Variants in KCNAB1 observed in about 807,000 individuals in gnomAD.
KCNAB1 encodes the protein voltage-gated potassium channel subunit beta-1.
A neutral mutation model predicts 64.6 loss-of-function variants in KCNAB1; 35 were observed. The ratio of observed to expected loss-of-function variants is 0.54; its 90% confidence interval spans 0.41 to 0.72. KCNAB1 has a LOEUF of 0.72. Ranked by LOEUF, KCNAB1 falls within the 30% of genes least tolerant of loss-of-function variation. KCNAB1 has a pLI of 0.00. For synonymous variants in KCNAB1, 177 were observed against 183.8 expected (o/e 0.96, Z 0.30); for missense variants, 401 against 512.9 (o/e 0.78, Z 2.11).
intron 1 of KCNAB1, among the ~76,000 whole-genome samples, chr3:156,332,634 C>T (rs1465791903): frequency 6.6e-6 from 1 of 152,168 alleles, no homozygotes; most frequent in African/African-American, 2.4e-5. Context: ...AATAAACTTC[C>T]ACCTGCCCTA....
At chr3:156,466,958 T>C (rs1713448260) in intron 7 of KCNAB1, among the ~76,000 whole-genome samples, 1 of 152,102 alleles carries the variant, frequency 6.6e-6, no homozygotes, top group South Asian at 2.1e-4. Flanking sequence ...AAATTTATGA[T>C]GGGATTACAT....
Position 156,536,753 on chromosome 3 carries a change from T to G in KCNAB1, c.*6T>G, listed in dbSNP as rs1464095908. The G allele has an allele frequency of 1.3e-6, 2 of 1,581,624 alleles. No homozygotes were observed. The stretch of plus-strand genomic sequence containing the variant: ...AGAAGGACTATAGATCATAAGGCAA[T>G]GCATGAACCACAGAAGCTGCATGGT... On this transcript the variant is annotated 3_prime_UTR_variant, in exon 14 of 14. Transcript: ENST00000490337.
At chr3:156,139,730 G>A (rs1350627101) in intron 1 of KCNAB1, among the ~76,000 whole-genome samples, 2 of 151,822 alleles carry the variant, frequency 1.3e-5, no homozygotes, top group Admixed American at 1.3e-4. Context: ...TAGCTATTGG[G>A]AGTTTAAAAT....
intron 1 of KCNAB1, among the ~76,000 whole-genome samples, chr3:156,202,852 A>T (rs1714427287): frequency 6.6e-6 from 1 of 152,174 alleles, no homozygotes; most frequent in South Asian, 2.1e-4. Flanking sequence ...CAGATTTTTT[A>T]AAGTTGGAGT....
intron 1 of KCNAB1, among the ~76,000 whole-genome samples, chr3:156,202,741 C>G (rs1714417408): frequency 6.6e-6 from 1 of 152,100 alleles, no homozygotes; most frequent in Non-Finnish European, 1.5e-5. Flanking sequence ...TTTATTCCTA[C>G]TGTGCCAGTG....
chr3:156,251,556 C>T (rs1299283696), intron 1 of KCNAB1, among the ~76,000 whole-genome samples: 1 of 152,018 alleles, frequency 6.6e-6, no homozygotes, highest in Non-Finnish European at 1.5e-5. Flanking sequence ...GTCAGGGCTC[C>T]CAGGACAGCT....
Position 156,284,348 on chromosome 3 carries a change from G to C in KCNAB1, c.276-137268G>C, listed in dbSNP as rs967150009. On this transcript the variant is annotated intron_variant, in intron 1 of 13. Coordinates refer to ENST00000490337, the MANE Select transcript of KCNAB1 (RefSeq NM_172160.3). ...TTCTCAGATCTCCAGCTGCGTGCTC[G>C]GAGAACCACTGCTCTCTTCAAAGCT... 2.0e-5 allele frequency among the ~76,000 whole-genome samples: 3 copies of C among 152,176 alleles called. No individual in the cohort carries two copies. The South Asian group carries it at 6.2e-4, about 32-fold the overall frequency.
At chr3:156,175,080 A>G (rs570841529) in intron 1 of KCNAB1, among the ~76,000 whole-genome samples, 2 of 152,216 alleles carry the variant, frequency 1.3e-5, no homozygotes, top group South Asian at 2.1e-4. Flanking sequence ...GATCTGTTGC[A>G]GTGAGTTTGG....
At chr3:156,140,741 T>C (rs1159507394) in intron 1 of KCNAB1, among the ~76,000 whole-genome samples, 1 of 152,096 alleles carries the variant, frequency 6.6e-6, no homozygotes, top group African/African-American at 2.4e-5. Flanking sequence ...ACGGCAGAAA[T>C]CACAAGGGGT....
At chr3:156,197,934 A>G (rs914530480) in intron 1 of KCNAB1, among the ~76,000 whole-genome samples, 2 of 152,152 alleles carry the variant, frequency 1.3e-5, no homozygotes, top group Non-Finnish European at 2.9e-5. Flanking sequence ...TTAGTGCTAT[A>G]TATTTCCGTC....
intron 1 of KCNAB1, among the ~76,000 whole-genome samples, chr3:156,153,171 AGTCACAG>A (rs1201012778): frequency 1.3e-5 from 2 of 152,230 alleles, no homozygotes; most frequent in Non-Finnish European, 2.9e-5. Context: ...GCTGGATATC[AGTCACAG>A]GGCACCACTT....
At chr3:156,516,513 T>C (rs1717578006) in intron 11 of KCNAB1, 149 bp downstream of exon 11, 2 of 634,788 alleles carry the variant, frequency 3.2e-6, no homozygotes, top group South Asian at 3.8e-5. Context: ...CCCTAAGCCT[T>C]CTGGAGGTCT....
chr3:156,372,359 C>T (rs1560222884), intron 1 of KCNAB1, among the ~76,000 whole-genome samples: 1 of 152,204 alleles, frequency 6.6e-6, no homozygotes, highest in Non-Finnish European at 1.5e-5. Flanking sequence ...TAATATTATT[C>T]ACCTCATAGG....
intron 1 of KCNAB1, among the ~76,000 whole-genome samples, chr3:156,240,384 G>A (rs1717091561): frequency 1.3e-5 from 2 of 150,882 alleles, no homozygotes; most frequent in South Asian, 2.1e-4. Context: ...TAGTAGTAAT[G>A]CTATTAAAAT....
At chr3:156,446,684 A>C (rs1460560772) in intron 2 of KCNAB1, 1 of 152,208 alleles carries the variant, frequency 6.6e-6, no homozygotes, top group African/African-American at 2.4e-5. Flanking sequence ...CTTTTACACC[A>C]GTAAATACTA....
intron 8 of KCNAB1, among the ~76,000 whole-genome samples, chr3:156,486,458 C>T (rs1405914836): frequency 6.6e-6 from 1 of 152,128 alleles, no homozygotes; most frequent in East Asian, 1.9e-4. Context: ...TCATTGCCAC[C>T]CTGGTTGGGA....
At chr3:156,278,883 C>A (rs978685523) in intron 1 of KCNAB1, among the ~76,000 whole-genome samples, 4 of 152,064 alleles carry the variant, frequency 2.6e-5, no homozygotes, top group Non-Finnish European at 5.9e-5. Flanking sequence ...TAATAATGCT[C>A]AGTAAAACAT....
chr3:156,423,189 G>A (rs1384798521), intron 2 of KCNAB1, among the ~76,000 whole-genome samples: 1 of 152,260 alleles, frequency 6.6e-6, no homozygotes, highest in Non-Finnish European at 1.5e-5. Flanking sequence ...GCACTGAGCA[G>A]ACAAGTGGGA....
At chr3:156,302,906 G>C (rs974194636) in intron 1 of KCNAB1, among the ~76,000 whole-genome samples, 1 of 152,178 alleles carries the variant, frequency 6.6e-6, no homozygotes, top group Non-Finnish European at 1.5e-5. Context: ...TATGGGAATA[G>C]AACTTCTTTC....
Sources: allele counts gnomAD v4.1 joint callset (sites outside exome capture counted in the v4.1 genomes callset), GRCh38; gene constraint gnomAD v4.1.1; transcripts MANE v1.5; gene names NCBI Gene and HGNC (gene_info 2026-07-23, HGNC 2026-07-21).